The following GNG4 variants were observed in gnomAD, a reference collection of about 807,000 sequenced individuals.
GNG4 encodes the protein G protein subunit gamma 4, also known as guanine nucleotide-binding protein G(I)/G(S)/G(O) subunit gamma-4.
A neutral mutation model predicts 5.8 loss-of-function variants in GNG4; 4 were observed. That is an observed-to-expected ratio of 0.69 (90% CI 0.34 to 1.57). The LOEUF (loss-of-function observed/expected upper bound fraction) is 1.57. Among genes scored for constraint, GNG4 ranks in the 40% most tolerant of loss-of-function variants. The pLI is 0.06. For synonymous variants in GNG4, 29 were observed against 32.9 expected (o/e 0.88, Z 0.41); for missense variants, 96 against 95.1 (o/e 1.01, Z -0.04).
In GNG4 at chr1:235,648,023, C is replaced by CTT. The variant is rs535842950; in HGVS notation, c.-123+1637_-123+1638dup. The stretch of plus-strand genomic sequence containing the variant: ...AACTGTAAAGTGAATCTAGGAAAAG[C>CTT]TTTTTTTTTTTCTGGTTTCTCCACC... On this transcript the variant is annotated intron_variant, in intron 1 of 3. Transcript: ENST00000391854. This position sits in a 1 kb window ranked among gnomAD's most constrained non-coding sequence, Gnocchi z 5.0. Among the ~76,000 whole-genome samples the CTT allele has an allele frequency of 0.039, 5,731 of 147,256 alleles. 373 individuals carry two copies. The highest frequency in any genetic ancestry group is 0.13 in the African/African-American group (5,442 of 40,328).
chr1:235,627,467 C>T (rs1235552386), intron 1 of GNG4, among the ~76,000 whole-genome samples: 4 of 152,198 alleles, frequency 2.6e-5, no homozygotes, highest in East Asian at 3.9e-4. Flanking sequence ...GTAATCTGCC[C>T]GCCTCGGCTT....
At chr1:235,564,483 G>C (rs1687144363) in intron 3 of GNG4, among the ~76,000 whole-genome samples, 1 of 152,136 alleles carries the variant, frequency 6.6e-6, no homozygotes, top group African/African-American at 2.4e-5. Context: ...TACTCAGCCA[G>C]GGTAAGCTTC....
intron 1 of GNG4, among the ~76,000 whole-genome samples, chr1:235,632,376 T>C (rs563145712): frequency 6.6e-6 from 1 of 152,298 alleles, no homozygotes; most frequent in South Asian, 2.1e-4. Context: ...CATGAGCCAC[T>C]GCACCCGGCC....
intron 1 of GNG4, among the ~76,000 whole-genome samples, chr1:235,635,426 G>A (rs886762708): frequency 2.6e-5 from 4 of 152,034 alleles, no homozygotes; most frequent in African/African-American, 9.7e-5. Context: ...AGCCCAGGAA[G>A]TGGAGGTTGC....
chr1:235,585,879 A>G (rs1174505192), intron 2 of GNG4, among the ~76,000 whole-genome samples: 1 of 152,220 alleles, frequency 6.6e-6, no homozygotes, highest in Admixed American at 6.5e-5. Flanking sequence ...ACTATTCTTA[A>G]GTAATAAATT....
chr1:235,603,613 C>T (rs16832720), intron 1 of GNG4, among the ~76,000 whole-genome samples: 33,721 of 152,148 alleles, frequency 0.22, 4,321 homozygotes, highest in African/African-American at 0.34. Flanking sequence ...AAGCTTGATA[C>T]ATTTTACAGT....
At chr1:235,627,770 C>A (rs1320546189) in intron 1 of GNG4, among the ~76,000 whole-genome samples, 1 of 152,184 alleles carries the variant, frequency 6.6e-6, no homozygotes, top group African/African-American at 2.4e-5. Context: ...CTGGAGTATA[C>A]TGAACTCTTT....
intron 3 of GNG4, among the ~76,000 whole-genome samples, chr1:235,554,950 C>T (rs1240875947): frequency 6.6e-6 from 1 of 151,864 alleles, no homozygotes; most frequent in Non-Finnish European, 1.5e-5. Flanking sequence ...GGACATGCTC[C>T]AGTTTCATCT....
At chr1:235,562,974 C>A (rs1209091991) in intron 3 of GNG4, among the ~76,000 whole-genome samples, 1 of 152,138 alleles carries the variant, frequency 6.6e-6, no homozygotes, top group African/African-American at 2.4e-5. Flanking sequence ...AAGGTTAAAT[C>A]TGATAATCTA....
intron 3 of GNG4, among the ~76,000 whole-genome samples, chr1:235,583,253 C>G (rs925976236): frequency 6.6e-6 from 1 of 152,206 alleles, no homozygotes; most frequent in Non-Finnish European, 1.5e-5. Context: ...GAGAGACCTG[C>G]ACTCATCAGT....
intron 1 of GNG4, among the ~76,000 whole-genome samples, chr1:235,604,995 A>G (rs897145044): frequency 2.0e-5 from 3 of 152,058 alleles, no homozygotes; most frequent in Non-Finnish European, 4.4e-5. Context: ...ACCTATACTC[A>G]CCTCAATTTT....
intron 1 of GNG4, among the ~76,000 whole-genome samples, chr1:235,604,318 G>A (rs1429888460): frequency 6.6e-6 from 1 of 152,218 alleles, no homozygotes; most frequent in Non-Finnish European, 1.5e-5. Flanking sequence ...CACGGGGGAC[G>A]AAAAGGTAGT....
At chr1:235,619,529 G>A (rs1246930404) in intron 1 of GNG4, among the ~76,000 whole-genome samples, 1 of 152,186 alleles carries the variant, frequency 6.6e-6, no homozygotes, top group Non-Finnish European at 1.5e-5. Context: ...TATCTTGCCT[G>A]TTGACTTCAA....
At chr1:235,598,013 C>G (rs1688165027) in intron 1 of GNG4, among the ~76,000 whole-genome samples, 1 of 152,080 alleles carries the variant, frequency 6.6e-6, no homozygotes, top group Non-Finnish European at 1.5e-5. Flanking sequence ...GCTTCCCTGA[C>G]TCTGGCTACC....
chr1:235,556,130 G>C (rs767863233), intron 3 of GNG4, among the ~76,000 whole-genome samples: 2 of 151,888 alleles, frequency 1.3e-5, no homozygotes, highest in Non-Finnish European at 2.9e-5. Context: ...GCCTCTCAAA[G>C]TGCTGGGATT....
chr1:235,634,719 G>A (rs564232906), intron 1 of GNG4, among the ~76,000 whole-genome samples: 5 of 152,254 alleles, frequency 3.3e-5, no homozygotes, highest in Admixed American at 6.5e-5. Flanking sequence ...GAGGCGGGTG[G>A]ATCACCTGAG....
chr1:235,584,544 C>T (rs1687715651), intron 2 of GNG4, among the ~76,000 whole-genome samples: 1 of 152,226 alleles, frequency 6.6e-6, no homozygotes, highest in Non-Finnish European at 1.5e-5. Flanking sequence ...CACACTCTCT[C>T]TCTCTTTCTT....
At position 235,649,155 on chromosome 1, in the gene GNG4, T is replaced by C. The variant is rs1010151037; in HGVS notation, c.-123+507A>G. Among the ~76,000 whole-genome samples the C allele has an allele frequency of 6.6e-6, 1 of 152,006 alleles. No individual in the cohort carries two copies. The highest frequency in any genetic ancestry group is 2.4e-5 in the African/African-American group (1 of 41,380). The stretch of plus-strand genomic sequence containing the variant: ...GTGGCTCCAGCGTCACCCCGAGTGC[T>C]CCCGAGGCGGCGTCTGGGCTGCTGG... On this transcript the variant is annotated intron_variant, in intron 1 of 3. Transcript: ENST00000391854. The surrounding 1 kb of genome is among the most constrained non-coding windows in gnomAD (Gnocchi z 5.7).
chr1:235,588,976 G>A (rs1687895651), intron 2 of GNG4: 1 of 152,370 alleles, frequency 6.6e-6, no homozygotes, highest in South Asian at 2.1e-4. Flanking sequence ...CCTCCCCAGG[G>A]GCTGACAATG....
Sources: gnomAD v4.1 joint callset for allele counts (sites outside exome capture counted in the v4.1 genomes callset) on GRCh38, gnomAD v4.1.1 for gene constraint, Gnocchi (gnomAD v3.1) non-coding constraint, MANE v1.5 for transcripts, NCBI Gene and HGNC (gene_info 2026-07-23, HGNC 2026-07-21) for gene names.